The following GCDH variants were observed in gnomAD, a reference collection of about 807,000 sequenced individuals.
GCDH encodes glutaryl-CoA dehydrogenase.
In GCDH, 31 loss-of-function variants were observed where a neutral mutation model predicts 52.8. The ratio of observed to expected loss-of-function variants is 0.59; its 90% CI spans 0.44 to 0.79. The LOEUF (loss-of-function observed/expected upper bound fraction) is 0.79, where lower values mean the gene tolerates loss of function less well. GCDH is among the 30% of genes least tolerant of loss of function. The pLI is 0.00. For synonymous variants in GCDH, 242 were observed against 250.0 expected (o/e 0.97, Z 0.30); for missense variants, 509 against 595.0 (o/e 0.86, Z 1.50).
intron 6 of GCDH, chr19:12,894,643 G>C: frequency 2.6e-6 from 2 of 755,978 alleles, no homozygotes; most frequent in Non-Finnish European, 2.2e-6. Flanking sequence ...AGAAACCTAG[G>C]ACCAAAGCAC....
chr19:12,892,625 C>T (rs571816438), intron 5 of GCDH, among the ~76,000 whole-genome samples: 5 of 151,950 alleles, frequency 3.3e-5, no homozygotes, highest in African/African-American at 1.2e-4. Context: ...TCTTGTTGTC[C>T]AGGCTGGAGT....
rs1057517088 is a variant in GCDH, at chr19:12,891,900, TC to T, written c.198del (p.Ile67SerfsTer75). The T allele has an allele frequency of 4.3e-6, 7 of 1,614,018 alleles. No homozygotes were observed. Among genetic ancestry groups the T allele is most frequent in the African/African-American group, 1.3e-5 (1 of 74,930 alleles). ...GAGCAGCTGACCACAGATGAGATCC[TC>T]ATCAGGGACACCTTCCGCACCTACT... ...LEEQLTTDEI[L>X]IRDTFRTYCQ... On this transcript the variant is annotated frameshift_variant, in exon 4 of 12. Coordinates refer to ENST00000222214, the MANE Select transcript of GCDH (RefSeq NM_000159.4). LOFTEE classifies it high-confidence loss of function.
chr19:12,894,086 C>G, intron 6 of GCDH: 1 of 811,450 alleles, frequency 1.2e-6, no homozygotes, highest in Non-Finnish European at 2.0e-6. Flanking sequence ...GCTAAGTGGA[C>G]GTTGGCCCTC....
chr19:12,899,457 A>C lies in GCDH; in HGVS notation c.1244-11A>C. 6.2e-7 allele frequency: 1 copy of C among 1,614,164 alleles called. No homozygotes were observed. The highest frequency in any genetic ancestry group is 8.5e-7 in the Non-Finnish European group (1 of 1,180,016). ...AAAACTCCAAACCGACTCTGTATTA[A>C]TCTTGTCCAGGTACACATGACATTC... On this transcript the variant is annotated splice_polypyrimidine_tract_variant and intron_variant, in intron 11 of 11. Transcript: ENST00000222214.
At chr19:12,897,949 C>A in intron 11 of GCDH, 86 bp downstream of exon 11, 1 of 1,107,414 alleles carries the variant, frequency 9.0e-7, no homozygotes, top group Non-Finnish European at 1.4e-6. Flanking sequence ...AGGTCTGAGT[C>A]CAACTCCACC....
In GCDH at chr19:12,897,849, T is replaced by TGAACAC. The variant is rs1209252042; in HGVS notation, c.1230_1235dup (p.Asn411_Thr412dup). ...CGGCACGCCATGAACCTGGAGGCCG[T>TGAACAC]GAACACCTACGAAGGTAGGAGCTGG... On this transcript the variant is annotated inframe_insertion, in exon 11 of 12. Coordinates refer to ENST00000222214, the MANE Select transcript of GCDH (RefSeq NM_000159.4). 1 of 1,613,526 alleles carries TGAACAC rather than the reference T, an allele frequency of 6.2e-7. No individual in the cohort carries two copies. Among genetic ancestry groups the TGAACAC allele is most frequent in the Non-Finnish European group, 8.5e-7 (1 of 1,179,830 alleles).
chr19:12,891,543 C>G, intron 3 of GCDH, 21 bp downstream of exon 3: 1 of 1,614,118 alleles, frequency 6.2e-7, no homozygotes, highest in East Asian at 2.2e-5. Context: ...CTGGTCGCAC[C>G]GTGTGTCTGC....
At position 12,891,984 on chromosome 19, in the gene GCDH, C is replaced by T. The variant is rs1199900556; in HGVS notation, c.271+10C>T. On this transcript the variant is annotated intron_variant, in intron 4 of 11. Transcript: ENST00000222214. ...GCCAATCGCAACGAAGGTGGGCGGGCTGGTGGGTGCCCTGAGACTGCTCCT... is the reference window on the plus strand; with the variant it reads ...GCCAATCGCAACGAAGGTGGGCGGGTTGGTGGGTGCCCTGAGACTGCTCCT... 2 of 1,614,110 alleles carry T rather than the reference C, an allele frequency of 1.2e-6. No individual in the cohort carries two copies. Among genetic ancestry groups the T allele is most frequent in the African/African-American group, 1.3e-5 (1 of 74,932 alleles).
chr19:12,897,461 C>T (rs1033412611), intron 10 of GCDH, 33 bp downstream of exon 10: 11 of 1,609,072 alleles, frequency 6.8e-6, no homozygotes, highest in Admixed American at 1.7e-5. Flanking sequence ...GGGGGGATGG[C>T]AGCGGTGGCT....
chr19:12,899,933 G>A lies in GCDH; in HGVS notation c.*392G>A, dbSNP rs765869286. 6.2e-7 allele frequency: 1 copy of A among 1,610,842 alleles called. No individual in the cohort carries two copies. The highest frequency in any genetic ancestry group is 1.3e-5 in the African/African-American group (1 of 74,848). ...GTGCCTTATGCTGGGTGTTGGAGCAGAGTGAGGGAGAGGAAAATAAAGACC... is the reference window on the plus strand; with the variant it reads ...GTGCCTTATGCTGGGTGTTGGAGCAAAGTGAGGGAGAGGAAAATAAAGACC... On this transcript the variant is annotated 3_prime_UTR_variant, in exon 12 of 12. Transcript: ENST00000222214.
intron 6 of GCDH, chr19:12,894,834 C>T (rs1051124056): frequency 1.0e-5 from 6 of 597,504 alleles, no homozygotes; most frequent in Non-Finnish European, 1.7e-5. Context: ...CGCAGACTGT[C>T]CTCTCTGCGA....
intron 3 of GCDH, 129 bp downstream of exon 3, chr19:12,891,651 C>A: frequency 6.2e-7 from 1 of 1,606,974 alleles, no homozygotes; most frequent in Admixed American, 1.7e-5. Flanking sequence ...GGGTCAGAGG[C>A]ACTAAGGCAG....
chr19:12,894,164 G>C, intron 6 of GCDH: 1 of 1,567,254 alleles, frequency 6.4e-7, no homozygotes, highest in South Asian at 1.1e-5. Flanking sequence ...CCAGCCACTG[G>C]CTGCCAGAAA....
chr19:12,896,270 G>T lies in GCDH; in HGVS notation c.701G>T (p.Arg234Leu). The stretch of plus-strand genomic sequence containing the variant: ...GCTCGGTGTGAAGATGGCTGCATTC[G>T]GGGCTTCCTGCTGGAGAAGGGGATG... ...VWARCEDGCIRGFLLEKGMRG... is the reference protein window; with the variant it reads ...VWARCEDGCILGFLLEKGMRG... Residue 234 changes from arginine to leucine, a missense_variant, in exon 8 of 12, where the codon CGG becomes CTG. Transcript: ENST00000222214. The surrounding 1 kb of genome is among the most constrained non-coding windows in gnomAD (Gnocchi z 5.5). 1 of 1,611,880 alleles carries T rather than the reference G, an allele frequency of 6.2e-7. No individual in the cohort carries two copies. The highest frequency in any genetic ancestry group is 8.5e-7 in the Non-Finnish European group (1 of 1,179,204).
intron 3 of GCDH, 63 bp downstream of exon 3, chr19:12,891,585 T>G (rs1599607069): frequency 6.2e-7 from 1 of 1,613,788 alleles, no homozygotes. Flanking sequence ...CTGCCGCAGG[T>G]GGACTCTGTC....
At chr19:12,893,388 C>T in intron 5 of GCDH, 95 bp from the exon 6 acceptor site, 1 of 1,108,266 alleles carries the variant, frequency 9.0e-7, no homozygotes. Flanking sequence ...TGGTGCCTGC[C>T]TCCTTGTGTG....
At chr19:12,892,319 T>C in intron 5 of GCDH, 141 bp downstream of exon 5, 7 of 808,400 alleles carry the variant, frequency 8.7e-6, no homozygotes, top group Non-Finnish European at 1.4e-5. Flanking sequence ...CCCAACAGAG[T>C]CTGGCTCTGT....
At position 12,895,973 on chromosome 19, in the gene GCDH, C is replaced by T. The variant is rs775337129; in HGVS notation, c.506-19C>T. The T allele has an allele frequency of 4.3e-6, 7 of 1,613,686 alleles. No individual in the cohort carries two copies. Among genetic ancestry groups the T allele is most frequent in the South Asian group, 3.3e-5 (3 of 91,076 alleles). On this transcript the variant is annotated intron_variant, in intron 6 of 11. Transcript: ENST00000222214. Reference sequence around the variant, plus strand: ...TATCAGGGACCAGGCAGCCTTGTGACTTTGTCTTGTGCCTGCAGCCAAGGG... The same window carrying T: ...TATCAGGGACCAGGCAGCCTTGTGATTTTGTCTTGTGCCTGCAGCCAAGGG...
At position 12,893,551 on chromosome 19, in the gene GCDH, A is replaced by G; in HGVS notation, c.403A>G (p.Ser135Gly). The stretch of plus-strand genomic sequence containing the variant: ...GGCCCGAGAGCTGGAGCGGGTGGAC[A>G]GTGGCTACAGGTCGGCGATGAGTGT... The part of the protein sequence containing the change: ...LLARELERVD[S>G]GYRSAMSVQS... The change falls in exon 6 of 12, where the codon AGT (serine) becomes GGT (glycine). Residue 135 changes from serine to glycine, a missense_variant. Transcript: ENST00000222214. 3 of 1,613,870 alleles carry G rather than the reference A, an allele frequency of 1.9e-6. No individual in the cohort carries two copies. Among genetic ancestry groups the G allele is most frequent in the Non-Finnish European group, 2.5e-6 (3 of 1,179,832 alleles).
Sources: gnomAD v4.1 joint callset for allele counts (sites outside exome capture counted in the v4.1 genomes callset) on GRCh38, gnomAD v4.1.1 for gene constraint, Gnocchi (gnomAD v3.1) non-coding constraint, MANE v1.5 for transcripts, NCBI Gene and HGNC (gene_info 2026-07-23, HGNC 2026-07-21) for gene names.